Variants in ABI2 observed in about 807,000 individuals in gnomAD.
ABI2 encodes the protein abelson interactor 2.
ABI2 carries 25 observed loss-of-function variants against 59.2 expected under a neutral mutation model. The observed-to-expected ratio is 0.42, with a 90% confidence interval of 0.31 to 0.59. The LOEUF (loss-of-function observed/expected upper bound fraction) is 0.59. Among genes scored for constraint, ABI2 ranks in the 20% least tolerant of loss-of-function variants. The pLI is 0.14. For missense variants in ABI2, 545 were observed against 681.8 expected, an observed-to-expected ratio of 0.80 and a Z score of 2.23; for synonymous variants, 213 against 235.5, an observed-to-expected ratio of 0.90 and a Z score of 0.87.
At chr2:203,336,161 C>T (rs538659585) in intron 1 of ABI2, among the ~76,000 whole-genome samples, 4 of 152,308 alleles carry the variant, frequency 2.6e-5, no homozygotes, top group East Asian at 1.9e-4. Flanking sequence ...GAGTAATATT[C>T]TAGAGTATGA....
At chr2:203,370,029 C>T (rs1480082220) in intron 2 of ABI2, among the ~76,000 whole-genome samples, 1 of 151,750 alleles carries the variant, frequency 6.6e-6, no homozygotes, top group East Asian at 1.9e-4. Context: ...TAGAAGAAAA[C>T]ATTTTCTGCT....
At chr2:203,387,658 A>C (rs1253758691) in intron 4 of ABI2, among the ~76,000 whole-genome samples, 1 of 152,242 alleles carries the variant, frequency 6.6e-6, no homozygotes, top group Admixed American at 6.5e-5. Flanking sequence ...AAAAAAATAC[A>C]TAACAAAATT....
At chr2:203,347,689 G>C (rs1034733648) in intron 1 of ABI2, among the ~76,000 whole-genome samples, 1 of 152,200 alleles carries the variant, frequency 6.6e-6, no homozygotes, top group Admixed American at 6.5e-5. Context: ...GGTTTATTCT[G>C]CACAGGCAAA....
At chr2:203,329,165 G>A (rs1258900119) in intron 1 of ABI2, 1 of 152,312 alleles carries the variant, frequency 6.6e-6, no homozygotes, top group Non-Finnish European at 1.5e-5. Flanking sequence ...TACGGTAGAA[G>A]AGCAGCAGTT....
chr2:203,358,912 T>C (rs1451490672), intron 1 of ABI2, among the ~76,000 whole-genome samples: 1 of 152,164 alleles, frequency 6.6e-6, no homozygotes, highest in Non-Finnish European at 1.5e-5. Flanking sequence ...CTCCGGAGAC[T>C]GAGGCACAAG....
At chr2:203,387,735 T>C (rs1032171257) in intron 4 of ABI2, among the ~76,000 whole-genome samples, 2 of 152,230 alleles carry the variant, frequency 1.3e-5, no homozygotes, top group African/African-American at 4.8e-5. Flanking sequence ...CTGATGATAG[T>C]TCTGCTATGT....
intron 4 of ABI2, among the ~76,000 whole-genome samples, chr2:203,385,460 A>T (rs187969896): frequency 4.7e-4 from 72 of 152,292 alleles, no homozygotes; most frequent in African/African-American, 1.7e-3. Flanking sequence ...AGCAGGGCTT[A>T]AGAGTTTTAC....
At chr2:203,331,281 T>C (rs1316369708) in intron 1 of ABI2, among the ~76,000 whole-genome samples, 4 of 151,362 alleles carry the variant, frequency 2.6e-5, no homozygotes, top group Non-Finnish European at 4.4e-5. Context: ...GGGGTTTTGA[T>C]GCTGCCTGGA....
Position 203,338,945 on chromosome 2 carries a change from T to TATATATATATATAA in ABI2, c.117+10327_117+10328insAATATATATATATA, listed in dbSNP as rs1559153929. 1.2e-3 allele frequency among the ~76,000 whole-genome samples: 52 copies of TATATATATATATAA among 42,514 alleles called. 1 individual carries two copies. Among genetic ancestry groups the TATATATATATATAA allele is most frequent in the Middle Eastern group, 0.02 (2 of 98 alleles). 27.9% of individuals were successfully genotyped at this position (42,514 alleles called of 152,430 possible). A position where few individuals can be genotyped will look rare whatever the true frequency, so the allele number is the denominator to read the frequency against. On this transcript the variant is annotated intron_variant, in intron 1 of 11. Transcript: ENST00000261018. ...GTGTGTGTGTATATGTATATATATA[T>TATATATATATATAA]ATATATATATATATATAAATATATA...
In ABI2 at chr2:203,430,221, A is replaced by G. The variant is rs531238781; in HGVS notation, c.*2869A>G. 4 of 152,280 alleles carry G rather than the reference A, an allele frequency of 2.6e-5. No individual in the cohort carries two copies. In the East Asian group the frequency reaches 7.7e-4, roughly 29 times the overall value. The allele number at this position is 152,280 out of a possible 1,614,324, so 9.4% of individuals were successfully genotyped here. On this transcript the variant is annotated 3_prime_UTR_variant, in exon 12 of 12. Coordinates refer to ENST00000261018, the MANE Select transcript of ABI2 (RefSeq NM_001375670.1). ...GTTTCCCTCTTTTTTTATAAATTAA[A>G]AGATGGTTGGTATTAGGAATTTCAA...
chr2:203,423,742 G>A (rs935147394), intron 11 of ABI2, among the ~76,000 whole-genome samples: 1 of 151,988 alleles, frequency 6.6e-6, no homozygotes, highest in African/African-American at 2.4e-5. Context: ...CTTTTCTGCT[G>A]GCATGGTACC....
chr2:203,407,532 T>C (rs1327141377), intron 9 of ABI2, among the ~76,000 whole-genome samples: 2 of 152,232 alleles, frequency 1.3e-5, no homozygotes, highest in Non-Finnish European at 2.9e-5. Context: ...TCATTGATGC[T>C]TCAGAGGACT....
intron 9 of ABI2, among the ~76,000 whole-genome samples, chr2:203,408,878 T>C (rs6735597): frequency 0.69 from 79,546 of 114,854 alleles, 28,654 homozygotes; most frequent in Middle Eastern, 0.85. Flanking sequence ...GTCGCCCAGG[T>C]CGGACTGCGG....
At chr2:203,356,395 G>A (rs2091979763) in intron 1 of ABI2, among the ~76,000 whole-genome samples, 1 of 152,086 alleles carries the variant, frequency 6.6e-6, no homozygotes, top group Admixed American at 6.6e-5. Flanking sequence ...TTGAGACAGA[G>A]TCTCGCTCTG....
chr2:203,430,422 GTCTTT>G lies in ABI2; in HGVS notation c.*3075_*3079del, dbSNP rs2098473896. 1.3e-5 allele frequency: 2 copies of G among 152,028 alleles called. No homozygotes were observed. The highest frequency in any genetic ancestry group is 4.1e-4 in the South Asian group (2 of 4,820). The allele number at this position is 152,028 out of a possible 1,614,324, so 9.4% of individuals were successfully genotyped here. A position where few individuals can be genotyped will look rare whatever the true frequency, so the allele number is the denominator to read the frequency against. On this transcript the variant is annotated 3_prime_UTR_variant, in exon 12 of 12. Coordinates refer to ENST00000261018, the MANE Select transcript of ABI2 (RefSeq NM_001375670.1). ...GTCCCCTTAAAAAAAATGAATAGTT[GTCTTT>G]TCTTGTCATATTAATACTCGAAAGT...
At chr2:203,363,015 G>A (rs2093744763) in intron 1 of ABI2, among the ~76,000 whole-genome samples, 1 of 152,074 alleles carries the variant, frequency 6.6e-6, no homozygotes, top group South Asian at 2.1e-4. Flanking sequence ...ATTTTTAGTA[G>A]AGACAGGGTT....
intron 1 of ABI2, among the ~76,000 whole-genome samples, chr2:203,346,575 T>G (rs2083720170): frequency 6.6e-6 from 1 of 152,266 alleles, no homozygotes; most frequent in Non-Finnish European, 1.5e-5. Flanking sequence ...TAGCTCTTCC[T>G]CATTGTCTGT....
chr2:203,328,702 G>GCCGTGTCC, intron 1 of ABI2, 71 bp downstream of exon 1: 1 of 1,024,298 alleles, frequency 9.8e-7, no homozygotes, highest in South Asian at 2.0e-5. Flanking sequence ...GGGGCGTGGG[G>GCCGTGTCC]CCGAGGCCGC....
chr2:203,374,372 C>T (rs2095532348), intron 2 of ABI2, among the ~76,000 whole-genome samples: 1 of 151,800 alleles, frequency 6.6e-6, no homozygotes, highest in South Asian at 2.1e-4. Flanking sequence ...TGGTAGTGGG[C>T]ACCTGTAATC....
Sources: allele counts gnomAD v4.1 joint callset (sites outside exome capture counted in the v4.1 genomes callset), GRCh38; gene constraint gnomAD v4.1.1; transcripts MANE v1.5; gene names NCBI Gene and HGNC (gene_info 2026-07-23, HGNC 2026-07-21).